Variants in STK39 observed in about 807,000 individuals in gnomAD.
The protein encoded by STK39 is STE20/SPS1-related proline-alanine-rich protein kinase.
Under a neutral mutation model 77.8 loss-of-function variants are expected in STK39, and 20 were observed. That is an observed-to-expected ratio of 0.26 (90% CI 0.18 to 0.37). STK39 has a LOEUF of 0.37. Ranked by LOEUF, STK39 falls within the 10% of genes least tolerant of loss-of-function variation. STK39 has a pLI of 1.00. For synonymous variants in STK39, 246 were observed against 234.1 expected (o/e 1.05, Z -0.47); for missense variants, 479 against 656.5 (o/e 0.73, Z 2.95).
chr2:168,035,318 A>T (rs1186503441), intron 14 of STK39, among the ~76,000 whole-genome samples: 1 of 152,224 alleles, frequency 6.6e-6, no homozygotes, highest in African/African-American at 2.4e-5. Flanking sequence ...ATTTTAGAAT[A>T]ATAATTAAAA....
intron 10 of STK39, among the ~76,000 whole-genome samples, chr2:168,101,669 C>T (rs1686831050): frequency 6.6e-6 from 1 of 151,998 alleles, no homozygotes; most frequent in Admixed American, 6.5e-5. Context: ...ACCTGGGAGG[C>T]AGAGGCTGCA....
chr2:167,980,547 C>A (rs1158356853), intron 16 of STK39, among the ~76,000 whole-genome samples: 1 of 152,178 alleles, frequency 6.6e-6, no homozygotes, highest in Non-Finnish European at 1.5e-5. Context: ...GCCAATGCAG[C>A]CGACTGAGGC....
chr2:167,974,496 T>G (rs779678150), intron 16 of STK39, among the ~76,000 whole-genome samples: 1 of 152,198 alleles, frequency 6.6e-6, no homozygotes, highest in African/African-American at 2.4e-5. Flanking sequence ...AAGTTTAATC[T>G]TCTTCAGGTT....
At chr2:168,157,082 T>C (rs553300756) in intron 5 of STK39, among the ~76,000 whole-genome samples, 3 of 152,284 alleles carry the variant, frequency 2.0e-5, no homozygotes, top group African/African-American at 7.2e-5. Flanking sequence ...GGATAACGCC[T>C]AAGTGACAGA....
chr2:168,120,626 T>G (rs1309577594), intron 10 of STK39, among the ~76,000 whole-genome samples: 1 of 152,162 alleles, frequency 6.6e-6, no homozygotes, highest in Non-Finnish European at 1.5e-5. Context: ...ACAAAAACAA[T>G]CTGGACTATA....
chr2:167,968,408 C>T (rs1435327721), intron 16 of STK39, among the ~76,000 whole-genome samples: 1 of 152,188 alleles, frequency 6.6e-6, no homozygotes, highest in African/African-American at 2.4e-5. Flanking sequence ...TATTTACAGT[C>T]TACGTCTATA....
chr2:168,196,758 G>A (rs879890930), intron 1 of STK39, among the ~76,000 whole-genome samples: 3 of 152,190 alleles, frequency 2.0e-5, no homozygotes, highest in Admixed American at 2.0e-4. Context: ...CTCTCAGGTG[G>A]TGACATGTGG....
At chr2:168,098,229 A>G (rs1412537148) in intron 10 of STK39, among the ~76,000 whole-genome samples, 1 of 152,266 alleles carries the variant, frequency 6.6e-6, no homozygotes, top group African/African-American at 2.4e-5. Context: ...TTAATAATCA[A>G]ATATCTGTTG....
chr2:167,964,757 C>T, intron 16 of STK39, 31 bp from the exon 17 acceptor site: 4 of 1,569,548 alleles, frequency 2.5e-6, no homozygotes, highest in Non-Finnish European at 3.5e-6. Flanking sequence ...GAGAAAGTTT[C>T]CAGATTATTT....
At chr2:168,159,661 G>C (rs3754776) in intron 5 of STK39, among the ~76,000 whole-genome samples, 24,023 of 152,140 alleles carry the variant, frequency 0.16, 2,313 homozygotes, top group African/African-American at 0.26. Context: ...TCTAGAAAGC[G>C]ACAGTTCCAG....
At chr2:168,028,749 TCA>T (rs1203933294) in intron 14 of STK39, among the ~76,000 whole-genome samples, 5 of 152,198 alleles carry the variant, frequency 3.3e-5, no homozygotes, top group Admixed American at 6.5e-5. Context: ...TGCAGAGAAC[TCA>T]CAGACTCATC....
In STK39 at chr2:168,171,448, A is replaced by C. The variant is rs538925666; in HGVS notation, c.322-4041T>G. Among the ~76,000 whole-genome samples the C allele has an allele frequency of 5.3e-5, 8 of 151,356 alleles. No homozygotes were observed. The East Asian group carries it at 7.8e-4, about 15-fold the overall frequency. ...GGAGGAAAAAACTTCCCCTTCCCCC[A>C]AAAAATAACAGAACTGAAAATAAAA... On this transcript the variant is annotated intron_variant, in intron 2 of 17. Coordinates refer to ENST00000355999, the MANE Select transcript of STK39 (RefSeq NM_013233.3).
At chr2:168,083,375 A>AT (rs1288597484) in intron 10 of STK39, among the ~76,000 whole-genome samples, 2 of 152,202 alleles carry the variant, frequency 1.3e-5, no homozygotes, top group South Asian at 2.1e-4. Context: ...TGTTTTAGAC[A>AT]TTTTTTAAAA....
At chr2:168,223,241 G>A (rs1387269248) in intron 1 of STK39, among the ~76,000 whole-genome samples, 5 of 152,106 alleles carry the variant, frequency 3.3e-5, no homozygotes. Flanking sequence ...CAGGCGCAGT[G>A]GCTCATGCCT....
intron 2 of STK39, among the ~76,000 whole-genome samples, chr2:168,181,358 G>C (rs1254056506): frequency 6.6e-6 from 1 of 152,142 alleles, no homozygotes; most frequent in African/African-American, 2.4e-5. Context: ...TAAGCCAAAA[G>C]CAAATGTTCC....
chr2:168,240,729 G>A (rs140146346), intron 1 of STK39, among the ~76,000 whole-genome samples: 1 of 152,354 alleles, frequency 6.6e-6, no homozygotes, highest in East Asian at 1.9e-4. Flanking sequence ...CATTAAAAAG[G>A]TAGTCCAAAC....
intron 2 of STK39, among the ~76,000 whole-genome samples, chr2:168,168,554 A>G (rs967686784): frequency 6.6e-6 from 1 of 152,248 alleles, no homozygotes; most frequent in African/African-American, 2.4e-5. Flanking sequence ...TTACCCAAGC[A>G]GAACATCTCA....
In STK39 at chr2:168,058,019, TA is replaced by T. The variant is rs1218779247; in HGVS notation, c.1376+5480del. 2.6e-5 allele frequency among the ~76,000 whole-genome samples: 4 copies of T among 152,064 alleles called. No homozygotes were observed. In the East Asian group the frequency reaches 5.8e-4, roughly 22 times the overall value. ...CATTCACCTGTAAACATGCTTTTTT[TA>T]AAAAAAATCTTCCTTTACCCAATAT... On this transcript the variant is annotated intron_variant, in intron 14 of 17. Transcript: ENST00000355999.
intron 1 of STK39, among the ~76,000 whole-genome samples, chr2:168,220,858 T>A (rs1385890204): frequency 6.6e-6 from 1 of 152,196 alleles, no homozygotes; most frequent in Non-Finnish European, 1.5e-5. Flanking sequence ...TTCAATTAAA[T>A]CTAGGCTGCA....
Sources: allele counts gnomAD v4.1 joint callset (sites outside exome capture counted in the v4.1 genomes callset), GRCh38; gene constraint gnomAD v4.1.1; transcripts MANE v1.5; gene names NCBI Gene and HGNC (gene_info 2026-07-23, HGNC 2026-07-21).